The following PPFIBP1 variants were observed in gnomAD, a reference collection of about 807,000 sequenced individuals.
The protein encoded by PPFIBP1 is liprin-beta-1.
In PPFIBP1, 112 loss-of-function variants were observed where a neutral mutation model predicts 137.8. The observed-to-expected ratio is 0.81, with a 90% CI of 0.70 to 0.95. The LOEUF (loss-of-function observed/expected upper bound fraction) is 0.95. Among genes scored for constraint, PPFIBP1 ranks in the 40% least tolerant of loss-of-function variants. PPFIBP1 has a pLI of 0.00. For missense variants in PPFIBP1, 1,083 were observed against 1,196.6 expected, an observed-to-expected ratio of 0.91 and a Z score of 1.40; for synonymous variants, 378 against 417.3, an observed-to-expected ratio of 0.91 and a Z score of 1.15.
At chr12:27,651,926 A>G (rs931730553) in intron 7 of PPFIBP1, among the ~76,000 whole-genome samples, 6 of 152,142 alleles carry the variant, frequency 3.9e-5, no homozygotes, top group Non-Finnish European at 8.8e-5. Flanking sequence ...TCAATCACAT[A>G]CAAAGTGATC....
At chr12:27,638,880 T>C (rs1446327104) in intron 4 of PPFIBP1, among the ~76,000 whole-genome samples, 3 of 143,584 alleles carry the variant, frequency 2.1e-5, no homozygotes, top group African/African-American at 7.6e-5. Flanking sequence ...TAAGGTTCCA[T>C]TCATGTTTAA....
chr12:27,562,018 AGTCT>A (rs2049208033), intron 1 of PPFIBP1, among the ~76,000 whole-genome samples: 1 of 152,180 alleles, frequency 6.6e-6, no homozygotes, highest in African/African-American at 2.4e-5. Context: ...ACAGCACTCC[AGTCT>A]GGGCAACAGA....
At position 27,655,169 on chromosome 12, in the gene PPFIBP1, G is replaced by A. The variant is rs200359000; in HGVS notation, c.696+355G>A. On this transcript the variant is annotated intron_variant, in intron 8 of 29. Coordinates refer to ENST00000228425, the MANE Select transcript of PPFIBP1 (RefSeq NM_003622.4). ...CTTTAATGGCCAAACTTTCTAGCAT[G>A]AAAATCAAGGTGGGTCAGATGCAGT... 1,904 of 1,535,582 alleles carry A rather than the reference G, an allele frequency of 1.2e-3. 3 individuals are homozygous for A. Among genetic ancestry groups the A allele is most frequent in the Non-Finnish European group, 1.5e-3 (1,717 of 1,146,136 alleles).
At chr12:27,614,966 A>C (rs2055582255) in intron 2 of PPFIBP1, among the ~76,000 whole-genome samples, 1 of 152,244 alleles carries the variant, frequency 6.6e-6, no homozygotes, top group Non-Finnish European at 1.5e-5. Flanking sequence ...TCTAGTTGTA[A>C]GTTGGCTATC....
At chr12:27,644,580 T>A (rs1329222505) in intron 4 of PPFIBP1, among the ~76,000 whole-genome samples, 1 of 152,208 alleles carries the variant, frequency 6.6e-6, no homozygotes, top group Non-Finnish European at 1.5e-5. Flanking sequence ...TCATCCTGGC[T>A]CTTTTCCAAA....
At chr12:27,686,591 G>T (rs2061214674) in intron 24 of PPFIBP1, among the ~76,000 whole-genome samples, 1 of 152,156 alleles carries the variant, frequency 6.6e-6, no homozygotes, top group Admixed American at 6.5e-5. Flanking sequence ...CACAATGTCT[G>T]CTAGATAAAC....
intron 19 of PPFIBP1, 92 bp downstream of exon 19, chr12:27,677,188 T>C: frequency 6.8e-7 from 1 of 1,464,904 alleles, no homozygotes; most frequent in Admixed American, 1.7e-5. Context: ...TAGAAAGCGA[T>C]CTGACAGCAA....
At chr12:27,591,357 C>G (rs983404454) in intron 2 of PPFIBP1, among the ~76,000 whole-genome samples, 2 of 152,032 alleles carry the variant, frequency 1.3e-5, no homozygotes, top group Non-Finnish European at 2.9e-5. Context: ...AGGTGAGAGT[C>G]AGGACAAGAA....
chr12:27,641,509 A>T (rs1249769503), intron 4 of PPFIBP1, among the ~76,000 whole-genome samples: 1 of 152,250 alleles, frequency 6.6e-6, no homozygotes, highest in African/African-American at 2.4e-5. Flanking sequence ...ATGGGGTTTC[A>T]TCACGTGCAT....
At chr12:27,585,209 A>G (rs1368702450) in intron 2 of PPFIBP1, among the ~76,000 whole-genome samples, 1 of 152,260 alleles carries the variant, frequency 6.6e-6, no homozygotes, top group Non-Finnish European at 1.5e-5. Context: ...AATGGCTTTA[A>G]AAAAATCTTT....
chr12:27,643,760 G>A (rs1192271779), intron 4 of PPFIBP1, among the ~76,000 whole-genome samples: 2 of 104,142 alleles, frequency 1.9e-5, no homozygotes, highest in Non-Finnish European at 3.9e-5. Flanking sequence ...AACACAGGTG[G>A]ACAGAACAGT....
chr12:27,565,553 A>G (rs779477961), intron 1 of PPFIBP1, among the ~76,000 whole-genome samples: 5 of 151,980 alleles, frequency 3.3e-5, no homozygotes, highest in Non-Finnish European at 7.4e-5. Context: ...CCTGTCTCAC[A>G]TGTCCAGTTG....
chr12:27,581,539 T>A (rs1236928037), intron 2 of PPFIBP1, among the ~76,000 whole-genome samples: 1 of 152,232 alleles, frequency 6.6e-6, no homozygotes, highest in Non-Finnish European at 1.5e-5. Flanking sequence ...TGAGATAATG[T>A]CATCCCCAAA....
At chr12:27,558,256 G>GT (rs11434356) in intron 1 of PPFIBP1, among the ~76,000 whole-genome samples, 48,102 of 138,924 alleles carry the variant, frequency 0.35, 8,016 homozygotes, top group Middle Eastern at 0.43. Flanking sequence ...GACCTTCTGG[G>GT]TTTTTTTTTT....
In PPFIBP1 at chr12:27,693,121, ATATAT is replaced by A; in HGVS notation, c.*246_*250del. The A allele has an allele frequency of 4.4e-6, 2 of 454,714 alleles. No individual in the cohort carries two copies. Among genetic ancestry groups the A allele is most frequent in the East Asian group, 9.1e-5 (2 of 22,038 alleles). 28.2% of individuals were successfully genotyped at this position (454,714 alleles called of 1,614,324 possible). A position where few individuals can be genotyped will look rare whatever the true frequency, so the allele number is the denominator to read the frequency against. On this transcript the variant is annotated 3_prime_UTR_variant, in exon 30 of 30. Transcript: ENST00000228425. Reference sequence around the variant, plus strand: ...CTTCTATTTAATGTAAAAATCTGTGATATATTATATTTAAAGTGTTGCATTTAAGA... The same window carrying A: ...CTTCTATTTAATGTAAAAATCTGTGATATATTTAAAGTGTTGCATTTAAGA...
intron 4 of PPFIBP1, among the ~76,000 whole-genome samples, chr12:27,643,710 A>G (rs2058273997): frequency 1.1e-5 from 1 of 91,878 alleles, no homozygotes; most frequent in South Asian, 4.0e-4. Context: ...CTTACTGCCA[A>G]CATTCTTAAT....
In PPFIBP1 at chr12:27,654,946, C is replaced by T. The variant is rs568966722; in HGVS notation, c.696+132C>T. The T allele has an allele frequency of 4.4e-5, 61 of 1,396,856 alleles. No individual in the cohort carries two copies. In the South Asian group the frequency reaches 9.1e-4, roughly 21 times the overall value. 86.5% of individuals were successfully genotyped at this position (1,396,856 alleles called of 1,614,324 possible). On this transcript the variant is annotated intron_variant, in intron 8 of 29. Transcript: ENST00000228425. Reference sequence around the variant, plus strand: ...TATTTTAAAAGTAAATGAAGATTTCCCCCCAAGCTGGAAACCTTGAATTTA... The same window carrying T: ...TATTTTAAAAGTAAATGAAGATTTCTCCCCAAGCTGGAAACCTTGAATTTA...
intron 2 of PPFIBP1, among the ~76,000 whole-genome samples, chr12:27,617,378 AT>A (rs1341179178): frequency 1.3e-5 from 2 of 152,184 alleles, no homozygotes; most frequent in African/African-American, 4.8e-5. Context: ...GATGGACTTA[AT>A]TGGAAGCAAA....
chr12:27,613,220 G>T (rs539336463), intron 2 of PPFIBP1, among the ~76,000 whole-genome samples: 2 of 152,314 alleles, frequency 1.3e-5, no homozygotes, highest in East Asian at 3.9e-4. Context: ...AACTCCCAAG[G>T]AGCTGGGTAG....
Sources: allele counts gnomAD v4.1 joint callset (sites outside exome capture counted in the v4.1 genomes callset), GRCh38; gene constraint gnomAD v4.1.1; transcripts MANE v1.5; gene names NCBI Gene and HGNC (gene_info 2026-07-23, HGNC 2026-07-21).